Variants in SLC51B observed in about 807,000 individuals in gnomAD.
SLC51B encodes SLC51 subunit beta, also known as organic solute transporter subunit beta.
A neutral mutation model predicts 8.0 loss-of-function variants in SLC51B; 6 were observed. The observed-to-expected ratio is 0.75, with a 90% CI of 0.41 to 1.48. The LOEUF is 1.48. Among genes scored for constraint, SLC51B ranks in the 40% most tolerant of loss-of-function variants. SLC51B has a pLI of 0.01. For synonymous variants in SLC51B, 61 were observed against 54.8 expected (o/e 1.11, Z -0.50); for missense variants, 150 against 149.7 (o/e 1.00, Z -0.01).
At chr15:65,049,389 A>C (rs1452944586) in intron 1 of SLC51B, 1 of 151,462 alleles carries the variant, frequency 6.6e-6, no homozygotes, top group Non-Finnish European at 1.5e-5. Flanking sequence ...CCCTCTCAGC[A>C]TCAGGAGCCG....
chr15:65,051,548 C>T lies in SLC51B; in HGVS notation c.131C>T (p.Ala44Val), dbSNP rs866314542. Residue 44 changes from alanine (A) to valine (V), a missense_variant, in exon 3 of 4, where the codon GCA becomes GTA. Physicochemically the swap from Ala to Val is moderately conservative, Grantham distance 64. Transcript: ENST00000334287. ...TGGAATCATTCCATCCTTGCCCTGG[C>T]AGCTGTGGTGGTCATTATAAGCATG... ...SPWNHSILALAAVVVIISMVL... is the reference protein window; with the variant it reads ...SPWNHSILALVAVVVIISMVL... 3.1e-6 allele frequency: 5 copies of T among 1,613,656 alleles called. No homozygotes were observed. The African/African-American group carries it at 4.0e-5, about 13-fold the overall frequency.
At chr15:65,045,903 C>T (rs897319696) in intron 1 of SLC51B, among the ~76,000 whole-genome samples, 4 of 152,116 alleles carry the variant, frequency 2.6e-5, no homozygotes, top group Non-Finnish European at 5.9e-5. Context: ...CAGTGGCTCA[C>T]GCCTGTAATT....
intron 1 of SLC51B, among the ~76,000 whole-genome samples, chr15:65,045,844 G>T (rs148399042): frequency 6.6e-6 from 1 of 152,238 alleles, no homozygotes; most frequent in Non-Finnish European, 1.5e-5. Context: ...GCTCACTTTA[G>T]AAGCAAACTG....
In SLC51B at chr15:65,049,960, A is replaced by G. The variant is rs767956797; in HGVS notation, c.-45A>G. ...GGAGGCCAGGAGGGCTGCTGGGGCT[A>G]AGGGGTCTAAGGACCTCGTTGCACA... On this transcript the variant is annotated 5_prime_UTR_variant, in exon 2 of 4. Coordinates refer to ENST00000334287, the MANE Select transcript of SLC51B (RefSeq NM_178859.4). The G allele has an allele frequency of 1.5e-4, 229 of 1,482,238 alleles. No homozygotes were observed. The highest frequency in any genetic ancestry group is 8.7e-4 in the Middle Eastern group (5 of 5,724). The allele number at this position is 1,482,238 out of a possible 1,614,324, so 91.8% of individuals were successfully genotyped here. A position where few individuals can be genotyped will look rare whatever the true frequency, so the allele number is the denominator to read the frequency against.
At chr15:65,049,815 G>T in intron 1 of SLC51B, 82 bp from the exon 2 acceptor site, 1 of 483,324 alleles carries the variant, frequency 2.1e-6, no homozygotes, top group Non-Finnish European at 3.7e-6. Flanking sequence ...ATAACTTTGG[G>T]CCAGAGGAGA....
intron 1 of SLC51B, among the ~76,000 whole-genome samples, chr15:65,047,698 C>G (rs535093093): frequency 8.6e-4 from 131 of 152,230 alleles, no homozygotes; most frequent in African/African-American, 3.0e-3. Flanking sequence ...AGCTAGAACA[C>G]AAGATCACAT....
chr15:65,047,196 T>C (rs1595898473), intron 1 of SLC51B, among the ~76,000 whole-genome samples: 1 of 149,606 alleles, frequency 6.7e-6, no homozygotes, highest in African/African-American at 2.5e-5. Flanking sequence ...ATTAGCCAGG[T>C]GTGGTGGCAC....
chr15:65,050,152 G>T, intron 2 of SLC51B, 51 bp downstream of exon 2: 1 of 1,466,318 alleles, frequency 6.8e-7, no homozygotes, highest in South Asian at 1.2e-5. Flanking sequence ...CCTCAACACA[G>T]AGCAGAGTTT....
At position 65,053,256 on chromosome 15, in the gene SLC51B, A is replaced by G; in HGVS notation, c.*92A>G. On this transcript the variant is annotated 3_prime_UTR_variant, in exon 4 of 4. Transcript: ENST00000334287. The stretch of plus-strand genomic sequence containing the variant: ...CCTCTCAGGTTTTAGAGTCTCTCCC[A>G]AGAAGCCGCTTTTTTCTTTTTCTTT... 6.7e-7 allele frequency: 1 copy of G among 1,501,948 alleles called. No individual in the cohort carries two copies. Among genetic ancestry groups the G allele is most frequent in the East Asian group, 2.3e-5 (1 of 42,636 alleles). 93.0% of individuals were successfully genotyped at this position (1,501,948 alleles called of 1,614,324 possible).
chr15:65,048,438 T>A (rs1483572194), intron 1 of SLC51B, among the ~76,000 whole-genome samples: 2 of 152,220 alleles, frequency 1.3e-5, no homozygotes, highest in East Asian at 3.8e-4. Flanking sequence ...CTGTTTGCCA[T>A]CTAGCTGTTT....
At chr15:65,051,083 A>G (rs1171016283) in intron 2 of SLC51B, among the ~76,000 whole-genome samples, 1 of 151,842 alleles carries the variant, frequency 6.6e-6, no homozygotes, top group Non-Finnish European at 1.5e-5. Context: ...ACCTCAGGTG[A>G]TCCACCTGAC....
intron 2 of SLC51B, 120 bp from the exon 3 acceptor site, chr15:65,051,395 G>A (rs888691979): frequency 1.1e-6 from 1 of 881,854 alleles, no homozygotes; most frequent in Non-Finnish European, 1.8e-6. Flanking sequence ...TTTGATTAGG[G>A]TCTCCACGCA....
At chr15:65,050,570 T>A (rs2086636633) in intron 2 of SLC51B, among the ~76,000 whole-genome samples, 1 of 152,298 alleles carries the variant, frequency 6.6e-6, no homozygotes, top group East Asian at 1.9e-4. Flanking sequence ...AAAGGTGACA[T>A]TTTTATCATC....
intron 2 of SLC51B, among the ~76,000 whole-genome samples, 185 bp downstream of exon 2, chr15:65,050,286 A>G (rs545284198): frequency 5.9e-5 from 9 of 152,262 alleles, no homozygotes; most frequent in Non-Finnish European, 8.8e-5. Flanking sequence ...TCCTTTTCTC[A>G]GGGTGTGGTC....
At chr15:65,046,903 ACT>A (rs1413940411) in intron 1 of SLC51B, among the ~76,000 whole-genome samples, 4 of 151,920 alleles carry the variant, frequency 2.6e-5, no homozygotes, top group African/African-American at 7.3e-5. Flanking sequence ...ACAGAGCCAG[ACT>A]CTGTCTCAAA....
chr15:65,048,306 G>A (rs2086604072), intron 1 of SLC51B, among the ~76,000 whole-genome samples: 1 of 152,086 alleles, frequency 6.6e-6, no homozygotes, highest in South Asian at 2.1e-4. Flanking sequence ...TTGTATTTGT[G>A]TCAAAATATT....
chr15:65,050,184 C>CGT, intron 2 of SLC51B, 83 bp downstream of exon 2: 1 of 1,090,298 alleles, frequency 9.2e-7, no homozygotes, highest in Non-Finnish European at 1.3e-6. Context: ...CTGACACTGT[C>CGT]GTCCCCTCCA....
intron 2 of SLC51B, among the ~76,000 whole-genome samples, chr15:65,050,830 C>CTTTTTTTTTTTTTTT (rs1206139825): frequency 2.1e-5 from 1 of 48,532 alleles, no homozygotes; most frequent in African/African-American, 5.3e-5. Flanking sequence ...CTTTCTTCTT[C>CTTTTTTTTTTTTTTT]TTCTTCTTTT....
At chr15:65,050,819 T>C (rs2086639969) in intron 2 of SLC51B, among the ~76,000 whole-genome samples, 1 of 141,756 alleles carries the variant, frequency 7.1e-6, no homozygotes, top group African/African-American at 2.6e-5. Flanking sequence ...CCTTTTTTTT[T>C]CTTTCTTCTT....
Sources: allele counts gnomAD v4.1 joint callset (sites outside exome capture counted in the v4.1 genomes callset), GRCh38; gene constraint gnomAD v4.1.1; transcripts MANE v1.5; gene names NCBI Gene and HGNC (gene_info 2026-07-23, HGNC 2026-07-21).